Variants in PALLD observed in about 807,000 individuals in gnomAD.
PALLD encodes palladin, cytoskeletal associated protein.
A neutral mutation model predicts 123.5 loss-of-function variants in PALLD; 61 were observed. The observed-to-expected ratio is 0.49, with a 90% CI of 0.40 to 0.61. PALLD has a LOEUF of 0.61. Among genes scored for constraint, PALLD ranks in the 20% least tolerant of loss-of-function variants. PALLD has a pLI of 0.00. For missense variants in PALLD, 1,273 were observed against 1,377.0 expected (o/e 0.92, Z 1.20); for synonymous variants, 465 against 496.4 (o/e 0.94, Z 0.84).
intron 10 of PALLD, among the ~76,000 whole-genome samples, chr4:168,723,786 A>G (rs1331612523): frequency 6.6e-6 from 1 of 152,204 alleles, no homozygotes; most frequent in Non-Finnish European, 1.5e-5. Flanking sequence ...AGCCATTTCC[A>G]ATATAATTAC....
chr4:168,872,362 ATAAT>A, intron 10 of PALLD, among the ~76,000 whole-genome samples: 1 of 152,242 alleles, frequency 6.6e-6, no homozygotes, highest in East Asian at 1.9e-4. Flanking sequence ...GCCCTCCTCC[ATAAT>A]TGTGTTCAGT....
At chr4:168,750,859 AT>A (rs1730966351) in intron 10 of PALLD, among the ~76,000 whole-genome samples, 1 of 151,996 alleles carries the variant, frequency 6.6e-6, no homozygotes, top group African/African-American at 2.4e-5. Context: ...CCCATTTATT[AT>A]TGTACTTCCG....
At chr4:168,672,313 C>A (rs182544359) in intron 3 of PALLD, among the ~76,000 whole-genome samples, 3 of 152,266 alleles carry the variant, frequency 2.0e-5, no homozygotes, top group Non-Finnish European at 4.4e-5. Context: ...CTATAGTCAT[C>A]CTGTAGTGGT....
At chr4:168,512,909 G>A (rs191187557) in intron 2 of PALLD, among the ~76,000 whole-genome samples, 1 of 152,040 alleles carries the variant, frequency 6.6e-6, no homozygotes, top group South Asian at 2.1e-4. Context: ...CCTACTTGAG[G>A]GGGGAGAGTA....
rs1285298166 is a variant in PALLD, at chr4:168,927,685, T to A, written c.*1505T>A. ...ACTTTGCCTTAAGAAGGTGCTGGAT[T>A]CCAAGGTTTGTAAAGGCATCTCGGT... On this transcript the variant is annotated 3_prime_UTR_variant, in exon 22 of 22. Coordinates refer to ENST00000505667, the MANE Select transcript of PALLD (RefSeq NM_001166108.2). 1 of 226,100 alleles carries A rather than the reference T, an allele frequency of 4.4e-6. No homozygotes were observed. The highest frequency in any genetic ancestry group is 2.2e-5 in the African/African-American group (1 of 44,930). The allele number at this position is 226,100 out of a possible 1,614,324, so 14.0% of individuals were successfully genotyped here.
chr4:168,819,312 A>T (rs1331760050), intron 10 of PALLD, among the ~76,000 whole-genome samples: 2 of 147,860 alleles, frequency 1.4e-5, no homozygotes, highest in Non-Finnish European at 3.0e-5. Flanking sequence ...GTAACTGCAG[A>T]GGCTCCGAGA....
At chr4:168,534,145 A>T (rs1405072555) in intron 2 of PALLD, among the ~76,000 whole-genome samples, 1 of 152,196 alleles carries the variant, frequency 6.6e-6, no homozygotes, top group Admixed American at 6.5e-5. Context: ...GAAAACATGG[A>T]GTCAAGGAGT....
chr4:168,653,293 A>AGTCC (rs1778234441), intron 2 of PALLD, among the ~76,000 whole-genome samples: 1 of 152,266 alleles, frequency 6.6e-6, no homozygotes, highest in African/African-American at 2.4e-5. Flanking sequence ...TCAGTGGAAC[A>AGTCC]CTAAAGGCTA....
intron 15 of PALLD, among the ~76,000 whole-genome samples, chr4:168,904,952 C>G (rs1031416076): frequency 2.6e-5 from 4 of 151,804 alleles, no homozygotes; most frequent in African/African-American, 9.7e-5. Flanking sequence ...CATGGCGAAA[C>G]CCTGTCTCTA....
chr4:168,715,812 T>A, intron 10 of PALLD, among the ~76,000 whole-genome samples: 1 of 151,990 alleles, frequency 6.6e-6, no homozygotes, highest in Non-Finnish European at 1.5e-5. Context: ...TAGCCGGGCG[T>A]GGTGGCAGGT....
intron 2 of PALLD, among the ~76,000 whole-genome samples, chr4:168,601,848 C>G (rs566642135): frequency 6.6e-6 from 1 of 152,296 alleles, no homozygotes; most frequent in South Asian, 2.1e-4. Context: ...TTAATGAGCT[C>G]ATGACCCCTC....
At chr4:168,923,027 G>C (rs1465182541) in intron 18 of PALLD, among the ~76,000 whole-genome samples, 1 of 152,152 alleles carries the variant, frequency 6.6e-6, no homozygotes, top group Non-Finnish European at 1.5e-5. Context: ...GCTTTCCTAA[G>C]GATTAAATCA....
chr4:168,583,797 CCAA>C (rs1333283033), intron 2 of PALLD, among the ~76,000 whole-genome samples: 1 of 152,100 alleles, frequency 6.6e-6, no homozygotes, highest in Admixed American at 6.6e-5. Flanking sequence ...TGCTGGGTGG[CCAA>C]TGGGACCTTG....
chr4:168,921,904 C>T (rs1221401533), intron 18 of PALLD, among the ~76,000 whole-genome samples, 163 bp downstream of exon 18: 1 of 151,970 alleles, frequency 6.6e-6, no homozygotes, highest in Non-Finnish European at 1.5e-5. Flanking sequence ...CCTAGCAAAA[C>T]AGAAACAGAA....
chr4:168,878,572 C>G (rs1752163105), intron 10 of PALLD, among the ~76,000 whole-genome samples: 1 of 152,022 alleles, frequency 6.6e-6, no homozygotes, highest in South Asian at 2.1e-4. Flanking sequence ...CTCAGTGATT[C>G]TTGCGTAGCC....
intron 10 of PALLD, among the ~76,000 whole-genome samples, chr4:168,889,880 T>A (rs2151188139): frequency 6.6e-6 from 1 of 152,336 alleles, no homozygotes; most frequent in South Asian, 2.1e-4. Flanking sequence ...GACCACACCT[T>A]GAGAACCACT....
intron 10 of PALLD, among the ~76,000 whole-genome samples, chr4:168,845,731 CTCT>C (rs1439438146): frequency 3.9e-5 from 6 of 152,094 alleles, no homozygotes; most frequent in Non-Finnish European, 8.8e-5. Context: ...ATCATAAAAC[CTCT>C]TGTAAAAAGG....
At chr4:168,735,259 C>T (rs1787623906) in intron 10 of PALLD, among the ~76,000 whole-genome samples, 1 of 152,184 alleles carries the variant, frequency 6.6e-6, no homozygotes. Context: ...GCCCTCACTG[C>T]TCTCGCCCCA....
At chr4:168,508,776 C>T (rs1184852004) in intron 1 of PALLD, among the ~76,000 whole-genome samples, 4 of 129,144 alleles carry the variant, frequency 3.1e-5, no homozygotes, top group Admixed American at 2.9e-4. Context: ...ACTTTCAGCC[C>T]CCGAGTCTCC....
Sources: gnomAD v4.1 joint callset for allele counts (sites outside exome capture counted in the v4.1 genomes callset) on GRCh38, gnomAD v4.1.1 for gene constraint, MANE v1.5 for transcripts, NCBI Gene and HGNC (gene_info 2026-07-23, HGNC 2026-07-21) for gene names.